FBN2: variants seen among roughly 807,000 people sequenced by gnomAD.
The protein encoded by FBN2 is fibrillin-2.
A neutral mutation model predicts 355.6 loss-of-function variants in FBN2; 105 were observed. That is an observed-to-expected ratio of 0.30 (90% CI 0.25 to 0.35). The LOEUF is 0.35. FBN2 is among the 10% of genes least tolerant of loss of function. The pLI, the probability that FBN2 is intolerant of heterozygous loss-of-function variation, is 1.00. For synonymous variants in FBN2, 1,350 were observed against 1,301.2 expected (o/e 1.04, Z -0.81); for missense variants, 3,280 against 3,758.7 (o/e 0.87, Z 3.33).
chr5:128,269,072 G>C (rs1161945224), intron 62 of FBN2, among the ~76,000 whole-genome samples: 1 of 151,930 alleles, frequency 6.6e-6, no homozygotes, highest in Non-Finnish European at 1.5e-5. Flanking sequence ...AGGAAGAGAG[G>C]ATGTCAAATT....
intron 5 of FBN2, among the ~76,000 whole-genome samples, chr5:128,489,233 T>G (rs1177171241): frequency 6.6e-6 from 1 of 152,216 alleles, no homozygotes; most frequent in African/African-American, 2.4e-5. Context: ...ACAAGTTTGT[T>G]AGAAATGAAT....
chr5:128,300,771 A>G, intron 48 of FBN2, 46 bp downstream of exon 48: 1 of 1,602,354 alleles, frequency 6.2e-7, no homozygotes, highest in Non-Finnish European at 8.5e-7. Context: ...ACCATGTCTT[A>G]CTATACTGAA....
chr5:128,310,365 CATATATATATATATAT>C (rs1178825562), intron 39 of FBN2, among the ~76,000 whole-genome samples: 7 of 57,238 alleles, frequency 1.2e-4, no homozygotes, highest in East Asian at 6.0e-4. Flanking sequence ...TTCCTTGGCA[CATATATATATATATAT>C]ATATATATAT....
At chr5:128,308,339 A>G (rs1749940804) in intron 41 of FBN2, among the ~76,000 whole-genome samples, 1 of 152,166 alleles carries the variant, frequency 6.6e-6, no homozygotes, top group African/African-American at 2.4e-5. Flanking sequence ...AATTTTATGG[A>G]ACATAATAAT....
At chr5:128,355,924 T>C (rs1751487596) in intron 20 of FBN2, among the ~76,000 whole-genome samples, 1 of 152,158 alleles carries the variant, frequency 6.6e-6, no homozygotes, top group Non-Finnish European at 1.5e-5. Flanking sequence ...TTAATAAATA[T>C]AAGGGCAAAA....
chr5:128,460,851 A>ATTAAT (rs1754537258), intron 6 of FBN2, among the ~76,000 whole-genome samples: 1 of 151,214 alleles, frequency 6.6e-6, no homozygotes, highest in Admixed American at 6.6e-5. Flanking sequence ...TTATACAAAA[A>ATTAAT]TCAAGATGGA....
chr5:128,287,334 A>G lies in FBN2; in HGVS notation c.6854T>C (p.Leu2285Pro). ...TTTGCACATCTTTTGATCTTCCCTG[A>G]GGGCATAGCCAATCGGGCACGTGCA... ...YECTCPIGYA[L>P]REDQKMCKDL... is the part of the protein sequence containing the mutation. Residue 2285 changes from leucine (L) to proline (P), a missense_variant, in exon 54 of 65, where the codon CTC (leucine) becomes CCC (proline). By Grantham distance (98) the Leu-to-Pro change is moderately conservative (BLOSUM62 -3). Coordinates refer to ENST00000262464, the MANE Select transcript of FBN2 (RefSeq NM_001999.4). 1 of 1,614,034 alleles carries G rather than the reference A, an allele frequency of 6.2e-7. No homozygotes were observed.
At chr5:128,448,966 G>A (rs879779590) in intron 6 of FBN2, among the ~76,000 whole-genome samples, 42 of 151,764 alleles carry the variant, frequency 2.8e-4, no homozygotes, top group Non-Finnish European at 4.7e-4. Flanking sequence ...TAAAATTCAC[G>A]AAGCATTAAT....
At chr5:128,302,010 T>G (rs561560564) in intron 46 of FBN2, among the ~76,000 whole-genome samples, 4 of 152,304 alleles carry the variant, frequency 2.6e-5, no homozygotes, top group African/African-American at 9.6e-5. Flanking sequence ...AAAAAGACAT[T>G]AAGTATTAAG....
At chr5:128,265,008 T>TA (rs1765084577) in intron 62 of FBN2, among the ~76,000 whole-genome samples, 1 of 152,228 alleles carries the variant, frequency 6.6e-6, no homozygotes. Flanking sequence ...GTAGGTGTCT[T>TA]AATCACTGAA....
At chr5:128,522,784 T>G (rs17839640) in intron 4 of FBN2, among the ~76,000 whole-genome samples, 2,922 of 152,252 alleles carry the variant, frequency 0.019, 105 homozygotes, top group African/African-American at 0.068. Context: ...GCAACTTATA[T>G]TTCAACTGGA....
chr5:128,483,197 T>G (rs13162269), intron 5 of FBN2, among the ~76,000 whole-genome samples: 43,560 of 151,950 alleles, frequency 0.29, 6,478 homozygotes, highest in African/African-American at 0.31. Flanking sequence ...AAAAACTAAC[T>G]ATTGGGTACC....
rs74691144 is a variant in FBN2 at position 128,506,413 on chromosome 5, A to C, written c.628+12860T>G. Among the ~76,000 whole-genome samples the C allele has an allele frequency of 3.3e-5, 5 of 152,168 alleles. No individual in the cohort carries two copies. In the South Asian group the frequency reaches 1.0e-3, roughly 31 times the overall value. On this transcript the variant is annotated intron_variant, in intron 5 of 64. Coordinates refer to ENST00000262464, the MANE Select transcript of FBN2 (RefSeq NM_001999.4). ...TTGCAGAATTATCCATGAGTATTAC[A>C]TAATAAATAAGATGATGTAAATGGT...
intron 5 of FBN2, among the ~76,000 whole-genome samples, chr5:128,508,463 T>G (rs534309945): frequency 6.6e-6 from 1 of 151,984 alleles, no homozygotes; most frequent in Non-Finnish European, 1.5e-5. Flanking sequence ...CTTTAACTTA[T>G]CAATGTCTAT....
At chr5:128,283,827 T>C (rs1749056189) in intron 55 of FBN2, among the ~76,000 whole-genome samples, 1 of 152,198 alleles carries the variant, frequency 6.6e-6, no homozygotes, top group African/African-American at 2.4e-5. Context: ...TCCATATCAG[T>C]TAACAGTAGC....
chr5:128,272,290 G>A (rs1013048422), intron 61 of FBN2, among the ~76,000 whole-genome samples, 172 bp from the exon 62 acceptor site: 2 of 151,924 alleles, frequency 1.3e-5, no homozygotes, highest in Non-Finnish European at 2.9e-5. Context: ...GTCAGTGGTG[G>A]TGCAGGGAAC....
At chr5:128,366,125 C>T (rs899803916) in intron 17 of FBN2, among the ~76,000 whole-genome samples, 2 of 147,756 alleles carry the variant, frequency 1.4e-5, no homozygotes, top group Non-Finnish European at 3.0e-5. Flanking sequence ...TGACTGAAAT[C>T]AGGAGAGTAG....
rs115197752 is a variant in FBN2, at chr5:128,532,471, T to C, written c.338-1778A>G. ...GACAGTTCATTTAGGAGCTGAGAGATTTCTCTCTATAACCATAATTGAGTT... is the reference window on the plus strand; with the variant it reads ...GACAGTTCATTTAGGAGCTGAGAGACTTCTCTCTATAACCATAATTGAGTT... On this transcript the variant is annotated intron_variant, in intron 2 of 64. Coordinates refer to ENST00000262464, the MANE Select transcript of FBN2 (RefSeq NM_001999.4). Among the ~76,000 whole-genome samples, 978 of 152,266 alleles carry C rather than the reference T, an allele frequency of 6.4e-3. 10 individuals carry two copies. The highest frequency in any genetic ancestry group is 0.022 in the African/African-American group (925 of 41,562).
chr5:128,490,620 T>C (rs1755474512), intron 5 of FBN2, among the ~76,000 whole-genome samples: 2 of 152,234 alleles, frequency 1.3e-5, no homozygotes, highest in Non-Finnish European at 2.9e-5. Flanking sequence ...AAGGGACACA[T>C]ATTTTATTTC....
Sources: gnomAD v4.1 joint callset for allele counts (sites outside exome capture counted in the v4.1 genomes callset) on GRCh38, gnomAD v4.1.1 for gene constraint, MANE v1.5 for transcripts, NCBI Gene and HGNC (gene_info 2026-07-23, HGNC 2026-07-21) for gene names.